Variants in TRHR observed in about 807,000 individuals in gnomAD.
TRHR encodes thyrotropin releasing hormone receptor.
TRHR carries 14 observed loss-of-function variants against 28.0 expected under a neutral mutation model. The ratio of observed to expected loss-of-function variants is 0.50; its 90% CI spans 0.33 to 0.78. The LOEUF (loss-of-function observed/expected upper bound fraction) is 0.78. Ranked by LOEUF, TRHR falls within the 30% of genes least tolerant of loss-of-function variation. The pLI is 0.02. For synonymous variants in TRHR, 176 were observed against 171.9 expected (o/e 1.02, Z -0.18); for missense variants, 438 against 469.5 (o/e 0.93, Z 0.62).
At chr8:109,102,542 G>A (rs2129904558) in intron 2 of TRHR, among the ~76,000 whole-genome samples, 1 of 152,218 alleles carries the variant, frequency 6.6e-6, no homozygotes, top group South Asian at 2.1e-4. Flanking sequence ...TGAATGAGAT[G>A]CAAAGAAAAG....
chr8:109,088,752 C>T (rs1303924690), intron 2 of TRHR, among the ~76,000 whole-genome samples: 1 of 152,152 alleles, frequency 6.6e-6, no homozygotes. Flanking sequence ...ATGAAACTTT[C>T]TTTGCCATTC....
chr8:109,116,623 G>C (rs1332907663), intron 2 of TRHR, among the ~76,000 whole-genome samples: 1 of 152,014 alleles, frequency 6.6e-6, no homozygotes, highest in African/African-American at 2.4e-5. Flanking sequence ...ATGGTAGTTT[G>C]TATTTCTGTG....
chr8:109,089,737 C>CT lies in TRHR; in HGVS notation c.789+1437dup, dbSNP rs1373897915. On this transcript the variant is annotated intron_variant, in intron 2 of 2. Transcript: ENST00000518632. ...ATGGAAATTTAGAGAGATCTATTGA[C>CT]TATCTTCCAAGACAAACATTGACAA... Among the ~76,000 whole-genome samples, 3 of 152,192 alleles carry CT rather than the reference C, an allele frequency of 2.0e-5. No individual in the cohort carries two copies. In the East Asian group the frequency reaches 5.8e-4, roughly 29 times the overall value.
chr8:109,111,130 C>T (rs893298881), intron 2 of TRHR, among the ~76,000 whole-genome samples: 3 of 151,884 alleles, frequency 2.0e-5, no homozygotes, highest in South Asian at 2.1e-4. Flanking sequence ...CCAGCCTGGG[C>T]GACAGAGTAA....
intron 2 of TRHR, among the ~76,000 whole-genome samples, chr8:109,099,683 T>C (rs1811647754): frequency 2.0e-5 from 3 of 152,272 alleles, no homozygotes; most frequent in African/African-American, 7.2e-5. Context: ...TGTGAAACAC[T>C]TGACAGCCAT....
intron 2 of TRHR, among the ~76,000 whole-genome samples, chr8:109,110,037 G>A (rs777328511): frequency 7.9e-5 from 12 of 152,092 alleles, no homozygotes; most frequent in Non-Finnish European, 1.3e-4. Context: ...TATGATATCC[G>A]CCTAATGACA....
At chr8:109,106,586 T>C (rs76432925) in intron 2 of TRHR, among the ~76,000 whole-genome samples, 7,812 of 152,228 alleles carry the variant, frequency 0.051, 224 homozygotes, top group South Asian at 0.08. Flanking sequence ...ATCATGTCCT[T>C]TTCTGAGAAG....
At position 109,087,640 on chromosome 8, in the gene TRHR, ACAT is replaced by A; in HGVS notation, c.132_134del (p.Ile44del). On this transcript the variant is annotated inframe_deletion, in exon 2 of 3. Transcript: ENST00000518632. ...ATTTGTGGCCTGGGCATTGTAGGCA[ACAT>A]CATGGTAGTCCTGGTTGTCATGAGA... 2.5e-5 allele frequency: 40 copies of A among 1,614,162 alleles called. No individual in the cohort carries two copies. The highest frequency in any genetic ancestry group is 3.4e-5 in the Non-Finnish European group (40 of 1,180,024).
At position 109,087,742 on chromosome 8, in the gene TRHR, C is replaced by G; in HGVS notation, c.230C>G (p.Ala77Gly). Reference sequence around the variant, plus strand: ...GTAGCTGATCTCATGGTCTTGGTGGCCGCAGGCCTCCCCAACATAACAGAC... The same window carrying G: ...GTAGCTGATCTCATGGTCTTGGTGGGCGCAGGCCTCCCCAACATAACAGAC... Reference protein sequence around the residue: ...LAVADLMVLVAAGLPNITDSI... With the variant: ...LAVADLMVLVGAGLPNITDSI... Residue 77 changes from alanine (A) to glycine (G), a missense_variant, in exon 2 of 3, where the codon GCC (alanine) becomes GGC (glycine). By Grantham distance (60) the Ala-to-Gly change is moderately conservative. Transcript: ENST00000518632. 1 of 1,614,130 alleles carries G rather than the reference C, an allele frequency of 6.2e-7. No homozygotes were observed. The highest frequency in any genetic ancestry group is 8.5e-7 in the Non-Finnish European group (1 of 1,180,024).
Position 109,119,332 on chromosome 8 carries a change from G to C in TRHR, c.1074G>C (p.Lys358Asn). The part of the protein sequence containing the change: ...YSVALNYSVI[K>N]ESDHFSTELD... ...TGGCCCTAAATTACAGCGTCATCAA[G>C]GAGTCAGACCATTTCAGCACAGAGC... The change falls in exon 3 of 3, where the codon AAG becomes AAC. Residue 358 changes from lysine (K) to asparagine (N), a missense_variant. Physicochemically the swap from Lys to Asn is moderately conservative, Grantham distance 94. Transcript: ENST00000518632. The C allele has an allele frequency of 1.2e-6, 2 of 1,612,384 alleles. No individual in the cohort carries two copies. Among genetic ancestry groups the C allele is most frequent in the Non-Finnish European group, 1.7e-6 (2 of 1,179,022 alleles).
intron 2 of TRHR, among the ~76,000 whole-genome samples, chr8:109,113,376 C>T (rs1444082096): frequency 1.3e-5 from 2 of 152,046 alleles, no homozygotes; most frequent in African/African-American, 2.4e-5. Flanking sequence ...ATGAGAAAAA[C>T]ATCAGCTAAC....
intron 2 of TRHR, among the ~76,000 whole-genome samples, chr8:109,096,511 T>A (rs574702754): frequency 1.3e-5 from 2 of 152,310 alleles, no homozygotes; most frequent in African/African-American, 4.8e-5. Flanking sequence ...CAGCCCTGCA[T>A]TTGGCTACAG....
chr8:109,108,278 T>C (rs1263155097), intron 2 of TRHR, among the ~76,000 whole-genome samples: 2 of 152,200 alleles, frequency 1.3e-5, no homozygotes, highest in Non-Finnish European at 2.9e-5. Context: ...TTCTCCATCA[T>C]TTGCATTCTA....
Position 109,119,263 on chromosome 8 carries a change from C to T in TRHR, c.1005C>T (p.Cys335=). The T allele has an allele frequency of 6.2e-7, 1 of 1,612,734 alleles. No individual in the cohort carries two copies. Among genetic ancestry groups the T allele is most frequent in the Non-Finnish European group, 8.5e-7 (1 of 1,179,232 alleles). ...TCCGTGCAGCCTTCAGAAAGCTCTG[C>T]AACTGCAAGCAGAAGCCAACAGAGA... ...QKFRAAFRKL[C]NCKQKPTEKP... Residue 335 remains cysteine, a synonymous_variant, in exon 3 of 3, where the codon TGC becomes TGT. Transcript: ENST00000518632.
chr8:109,105,474 C>T (rs1369252305), intron 2 of TRHR, among the ~76,000 whole-genome samples: 1 of 152,124 alleles, frequency 6.6e-6, no homozygotes, highest in Non-Finnish European at 1.5e-5. Context: ...ATCCCGAGTA[C>T]TCTTTTAGAC....
chr8:109,112,573 ATCT>A (rs1373959766), intron 2 of TRHR, among the ~76,000 whole-genome samples: 3 of 152,272 alleles, frequency 2.0e-5, no homozygotes, highest in African/African-American at 4.8e-5. Flanking sequence ...TTGTTACGAA[ATCT>A]TCTTCCTAAT....
intron 2 of TRHR, among the ~76,000 whole-genome samples, chr8:109,102,881 G>T (rs1447603975): frequency 6.6e-6 from 1 of 152,056 alleles, no homozygotes; most frequent in African/African-American, 2.4e-5. Context: ...ACCATATTTA[G>T]AAGAGCCACT....
At chr8:109,099,201 G>C (rs983392566) in intron 2 of TRHR, among the ~76,000 whole-genome samples, 30 of 152,152 alleles carry the variant, frequency 2.0e-4, no homozygotes, top group Admixed American at 2.0e-3. Context: ...TATGGGATTG[G>C]AAGTGAGTGG....
intron 2 of TRHR, among the ~76,000 whole-genome samples, chr8:109,094,263 T>C (rs1045669133): frequency 1.6e-4 from 24 of 152,170 alleles, no homozygotes; most frequent in African/African-American, 5.3e-4. Context: ...TTTCAAAATT[T>C]TTTTAGAGAT....
Sources: gnomAD v4.1 joint callset for allele counts (sites outside exome capture counted in the v4.1 genomes callset) on GRCh38, gnomAD v4.1.1 for gene constraint, MANE v1.5 for transcripts, NCBI Gene and HGNC (gene_info 2026-07-23, HGNC 2026-07-21) for gene names.